Variants in TRPA1 observed in about 807,000 individuals in gnomAD.
TRPA1 encodes the protein transient receptor potential cation channel subfamily A member 1.
In TRPA1, 129 loss-of-function variants were observed where a neutral mutation model predicts 131.3. The ratio of observed to expected loss-of-function variants is 0.98; its 90% CI spans 0.85 to 1.14. The LOEUF (loss-of-function observed/expected upper bound fraction) is 1.14, where lower values mean the gene tolerates loss of function less well. Among genes scored for constraint, TRPA1 ranks in the 50% most tolerant of loss-of-function variants. The pLI is 0.00. For synonymous variants in TRPA1, 441 were observed against 451.7 expected (o/e 0.98, Z 0.30); for missense variants, 1,304 against 1,354.2 (o/e 0.96, Z 0.58).
chr8:72,033,790 T>G lies in TRPA1; in HGVS notation c.2722A>C (p.Thr908Pro), dbSNP rs1019144953. The change falls in exon 23 of 27, where the codon ACC becomes CCC. Residue 908 changes from threonine to proline, a missense_variant. Physicochemically the swap from Thr to Pro is conservative, Grantham distance 38. Coordinates refer to ENST00000262209, the MANE Select transcript of TRPA1 (RefSeq NM_007332.3). ...FSSPLLSIIQ[T>P]FSMMLGDINY... ...ATATCTCCTAGCATCATGCTGAAGG[T>G]CTGGATTATAGAAAGCAATGGAGAG... 1.2e-6 allele frequency: 2 copies of G among 1,613,920 alleles called. No homozygotes were observed. Among genetic ancestry groups the G allele is most frequent in the African/African-American group, 2.7e-5 (2 of 74,894 alleles).
In TRPA1 at chr8:72,039,729, T is replaced by C; in HGVS notation, c.2130A>G (p.Lys710=). 3.1e-6 allele frequency: 5 copies of C among 1,597,216 alleles called. No homozygotes were observed. The highest frequency in any genetic ancestry group is 4.3e-6 in the Non-Finnish European group (5 of 1,165,306). Reference sequence around the variant, plus strand: ...AAGAAATACTACTCAATACCCACCATTTCATGAGTAAATATTCTTTACACA... The same window carrying C: ...AAGAAATACTACTCAATACCCACCACTTCATGAGTAAATATTCTTTACACA... ...HPVCKEYLLM[K]WLAYGFRAHM... is the part of the protein sequence containing the mutation. The change falls in exon 18 of 27, where the codon AAA becomes AAG. Residue 710 remains lysine, a splice_region_variant and synonymous_variant. Coordinates refer to ENST00000262209, the MANE Select transcript of TRPA1 (RefSeq NM_007332.3).
At chr8:72,073,183 T>C (rs1806103464) in intron 1 of TRPA1, among the ~76,000 whole-genome samples, 1 of 152,228 alleles carries the variant, frequency 6.6e-6, no homozygotes. Context: ...ATACATCTGT[T>C]TTAGGTTGCT....
In TRPA1 at chr8:72,046,623, A is replaced by AT. The variant is rs36057078; in HGVS notation, c.1966-16dup. Reference sequence around the variant, plus strand: ...TTATACTCGATCTGTAGAAGACAGAATTTTTTTTAAAAAAATGTACAGTTA... The same window carrying AT: ...TTATACTCGATCTGTAGAAGACAGAATTTTTTTTTAAAAAAATGTACAGTTA... On this transcript the variant is annotated splice_polypyrimidine_tract_variant and intron_variant, in intron 16 of 26. Transcript: ENST00000262209. 2.7e-5 allele frequency: 38 copies of AT among 1,432,494 alleles called. No homozygotes were observed. Among genetic ancestry groups the AT allele is most frequent in the Middle Eastern group, 1.8e-4 (1 of 5,544 alleles). The allele number at this position is 1,432,494 out of a possible 1,614,324, so 88.7% of individuals were successfully genotyped here.
chr8:72,035,293 T>A (rs185524691), intron 21 of TRPA1, among the ~76,000 whole-genome samples: 1 of 152,330 alleles, frequency 6.6e-6, no homozygotes, highest in East Asian at 1.9e-4. Flanking sequence ...GCCAAGGGTG[T>A]GACAGTGCCT....
intron 25 of TRPA1, 48 bp from the exon 26 acceptor site, chr8:72,023,959 AC>A (rs1236993425): frequency 1.2e-5 from 16 of 1,313,196 alleles, no homozygotes; most frequent in Non-Finnish European, 1.8e-5. Flanking sequence ...CAATTCAGGA[AC>A]TTTTTCTTAA....
upstream of TRPA1, among the ~76,000 whole-genome samples, chr8:72,075,859 A>AGAGTGT (rs71564888): frequency 2.1e-4 from 28 of 135,108 alleles, no homozygotes; most frequent in Non-Finnish European, 9.5e-5. Context: ...CTTGCATGTG[A>AGAGTGT]GTGTGTGTGT....
chr8:72,072,813 A>T (rs1489095798), intron 1 of TRPA1, among the ~76,000 whole-genome samples: 1 of 152,180 alleles, frequency 6.6e-6, no homozygotes, highest in East Asian at 1.9e-4. Context: ...TGCTGTCAAC[A>T]CAAACCCAGT....
the TRPA1 span, among the ~76,000 whole-genome samples, chr8:72,085,902 T>A: frequency 6.6e-6 from 1 of 152,274 alleles, no homozygotes; most frequent in East Asian, 1.9e-4. Context: ...TATTCTACTT[T>A]TTATTTATTT....
chr8:72,068,104 T>C (rs1418229188), intron 3 of TRPA1, among the ~76,000 whole-genome samples: 1 of 152,198 alleles, frequency 6.6e-6, no homozygotes, highest in Non-Finnish European at 1.5e-5. Flanking sequence ...AAGTGGCTCC[T>C]CTCAAACCTT....
At position 72,026,027 on chromosome 8, in the gene TRPA1, A is replaced by G; in HGVS notation, c.2984T>C (p.Leu995Pro). ...SLEKKLPLWF[L>P]RKVDQKSTIV... is the part of the protein sequence containing the mutation. ...GGTGGATTTCTGATCCACTTTGCGT[A>G]GAAACCAAAGTGGCAGCTTCTTCTC... Residue 995 changes from leucine to proline, a missense_variant, in exon 25 of 27, where the codon CTA (leucine) becomes CCA (proline). Leu to Pro is a moderately conservative substitution (Grantham distance 98). Transcript: ENST00000262209. 1.2e-6 allele frequency: 2 copies of G among 1,614,082 alleles called. No individual in the cohort carries two copies. Among genetic ancestry groups the G allele is most frequent in the Non-Finnish European group, 1.7e-6 (2 of 1,179,938 alleles).
At chr8:72,055,376 G>T (rs1005415582) in intron 12 of TRPA1, 60 bp downstream of exon 12, 70 of 1,404,074 alleles carry the variant, frequency 5.0e-5, no homozygotes, top group Admixed American at 2.1e-4. Context: ...ATAATGAAAA[G>T]ATAGCCTGAA....
In TRPA1 at chr8:72,055,470, G is replaced by A; in HGVS notation, c.1495C>T (p.Gln499Ter). 6.2e-7 allele frequency: 1 copy of A among 1,613,032 alleles called. No individual in the cohort carries two copies. Among genetic ancestry groups the A allele is most frequent in the Non-Finnish European group, 8.5e-7 (1 of 1,179,194 alleles). Residue 499 changes from glutamine to a stop codon, truncating the protein, a stop_gained, in exon 12 of 27, where the codon CAG (glutamine) becomes TAG (stop). Transcript: ENST00000262209. LOFTEE classifies it high-confidence loss of function. ...AATGCACCTTTTTTCAGAAGAAGCT[G>A]AACTACTTTATCATGTCCATTCTTT... Reference protein sequence around the residue: ...AAKNGHDKVVQLLLKKGALFL... With the variant: ...AAKNGHDKVV
rs532616231 is a variant in TRPA1 at position 72,027,382 on chromosome 8, C to T, written c.2938-1309G>A. Among the ~76,000 whole-genome samples the T allele has an allele frequency of 9.9e-5, 15 of 152,264 alleles. No individual in the cohort carries two copies. In the South Asian group the frequency reaches 3.1e-3, roughly 32 times the overall value. On this transcript the variant is annotated intron_variant, in intron 24 of 26. Coordinates refer to ENST00000262209, the MANE Select transcript of TRPA1 (RefSeq NM_007332.3). ...CTGGGCTCAGGGAGCATCTTTACCTCCTCTAACTGGTGGGGTTTCCATGTT... is the reference window on the plus strand; with the variant it reads ...CTGGGCTCAGGGAGCATCTTTACCTTCTCTAACTGGTGGGGTTTCCATGTT...
intron 1 of TRPA1, among the ~76,000 whole-genome samples, chr8:72,073,329 C>T (rs1806106282): frequency 6.6e-6 from 1 of 152,120 alleles, no homozygotes; most frequent in African/African-American, 2.4e-5. Context: ...AGCATCAGTC[C>T]AATGGTTCTT....
intron 3 of TRPA1, among the ~76,000 whole-genome samples, chr8:72,066,810 T>C (rs1160393248): frequency 2.0e-5 from 3 of 152,230 alleles, no homozygotes; most frequent in Admixed American, 6.5e-5. Flanking sequence ...TGTTCAGTTA[T>C]ATGTGGCAGG....
chr8:72,040,890 G>A (rs1400438894), intron 17 of TRPA1, among the ~76,000 whole-genome samples: 3 of 151,906 alleles, frequency 2.0e-5, no homozygotes, highest in African/African-American at 7.3e-5. Context: ...TATTTTAAAG[G>A]CAAACTGGTT....
rs193274949 is a variant in TRPA1 at position 72,037,205 on chromosome 8, G to A, written c.2386-748C>T. Among the ~76,000 whole-genome samples the A allele has an allele frequency of 2.0e-5, 3 of 152,146 alleles. No individual in the cohort carries two copies. The East Asian group carries it at 5.8e-4, about 29-fold the overall frequency. ...TTGCAATGTATAATATTTAAAAAAT[G>A]CAAACCATTATTATCAAATTTATAA... is the stretch of plus-strand genomic sequence containing the variant. On this transcript the variant is annotated intron_variant, in intron 20 of 26. Coordinates refer to ENST00000262209, the MANE Select transcript of TRPA1 (RefSeq NM_007332.3).
At chr8:72,068,998 C>T in intron 3 of TRPA1, 25 bp downstream of exon 3, 1 of 1,614,098 alleles carries the variant, frequency 6.2e-7, no homozygotes, top group Non-Finnish European at 8.5e-7. Context: ...CGGTCAGGCC[C>T]TTTGGAGCCG....
intron 3 of TRPA1, among the ~76,000 whole-genome samples, chr8:72,065,773 A>C (rs1192770484): frequency 6.6e-6 from 1 of 152,208 alleles, no homozygotes; most frequent in Non-Finnish European, 1.5e-5. Flanking sequence ...ACATCACAAC[A>C]ATCAAGGCAA....
Sources: allele counts gnomAD v4.1 joint callset (sites outside exome capture counted in the v4.1 genomes callset), GRCh38; gene constraint gnomAD v4.1.1; transcripts MANE v1.5; gene names NCBI Gene and HGNC (gene_info 2026-07-23, HGNC 2026-07-21).